Variants in VPS53 observed in about 807,000 individuals in gnomAD.
VPS53 encodes VPS53 subunit of GARP complex.
VPS53 carries 70 observed loss-of-function variants against 107.0 expected under a neutral mutation model. The ratio of observed to expected loss-of-function variants is 0.65; its 90% CI spans 0.54 to 0.80. VPS53 has a LOEUF of 0.80. Among genes scored for constraint, VPS53 ranks in the 30% least tolerant of loss-of-function variants. The pLI is 0.00. For missense variants in VPS53, 917 were observed against 1,049.4 expected (o/e 0.87, Z 1.74); for synonymous variants, 409 against 393.3 (o/e 1.04, Z -0.47).
chr17:600,115 TC>T (rs367611044), intron 12 of VPS53: 66 of 152,288 alleles, frequency 4.3e-4, no homozygotes, highest in African/African-American at 1.5e-3. Flanking sequence ...AGGAAAAAGT[TC>T]CAAGAAAAAG....
chr17:644,303 C>T (rs1195615284), intron 7 of VPS53, among the ~76,000 whole-genome samples: 1 of 152,218 alleles, frequency 6.6e-6, no homozygotes, highest in Non-Finnish European at 1.5e-5. Context: ...GACTTCTACA[C>T]TTTACAGACA....
chr17:579,493 C>T (rs933728059), intron 13 of VPS53, among the ~76,000 whole-genome samples: 3 of 151,210 alleles, frequency 2.0e-5, no homozygotes, highest in African/African-American at 4.9e-5. Context: ...AACCTCAGTG[C>T]GTTTCCAGAG....
intron 7 of VPS53, among the ~76,000 whole-genome samples, chr17:640,763 T>C (rs1470823821): frequency 1.3e-5 from 2 of 152,002 alleles, no homozygotes; most frequent in African/African-American, 2.4e-5. Context: ...CGGTGCTAAC[T>C]GGCTTTACAG....
At chr17:702,164 A>T (rs1973223967) in intron 2 of VPS53, among the ~76,000 whole-genome samples, 1 of 152,092 alleles carries the variant, frequency 6.6e-6, no homozygotes, top group Non-Finnish European at 1.5e-5. Flanking sequence ...ACCAACCTGG[A>T]CAACGTGGTG....
intron 12 of VPS53, among the ~76,000 whole-genome samples, chr17:596,034 T>C (rs1967956475): frequency 6.6e-6 from 1 of 151,582 alleles, no homozygotes; most frequent in African/African-American, 2.4e-5. Context: ...TGGACTCTAC[T>C]ATGTTAGCTG....
intron 2 of VPS53, among the ~76,000 whole-genome samples, chr17:702,010 T>C (rs60443711): frequency 6.6e-6 from 1 of 152,214 alleles, no homozygotes; most frequent in African/African-American, 2.4e-5. Context: ...ATTACAGGCA[T>C]GAGGCAGTGC....
At chr17:581,932 TC>T (rs1384430565) in intron 13 of VPS53, among the ~76,000 whole-genome samples, 5 of 145,840 alleles carry the variant, frequency 3.4e-5, no homozygotes, top group African/African-American at 5.2e-5. Flanking sequence ...CCTGAGGACC[TC>T]AATGTGTTCC....
Position 631,568 on chromosome 17 carries a change from A to C in VPS53, c.669T>G (p.Phe223Leu). 6.2e-7 allele frequency: 1 copy of C among 1,614,068 alleles called. No individual in the cohort carries two copies. The highest frequency in any genetic ancestry group is 8.5e-7 in the Non-Finnish European group (1 of 1,179,992). Residue 223 changes from phenylalanine to leucine, a missense_variant, in exon 8 of 22, where the codon TTT (phenylalanine) becomes TTG (leucine). Coordinates refer to ENST00000437048, the MANE Select transcript of VPS53 (RefSeq NM_001128159.3). ...GCAGTACCTTGGTGCCCTGGGAAGG[A>C]AACGCTTCTTCAAAATCTGCCAGGA... ...QQILADFEEA[F>L]PSQGTKRPGG...
chr17:676,922 A>C (rs1365167604), intron 4 of VPS53, among the ~76,000 whole-genome samples: 1 of 152,126 alleles, frequency 6.6e-6, no homozygotes, highest in Non-Finnish European at 1.5e-5. Context: ...GCTAATCAGA[A>C]ACATGTTGTC....
intron 4 of VPS53, 59 bp downstream of exon 4, chr17:697,359 A>G: frequency 1.4e-6 from 2 of 1,413,188 alleles, no homozygotes; most frequent in Non-Finnish European, 1.0e-6. Flanking sequence ...CGTTTTGGTC[A>G]TCTGGTTGCC....
chr17:513,750 C>T lies in VPS53; in HGVS notation c.*5378G>A, dbSNP rs1230108079. ...TTTCCAGCAGGTTATTCCGAGTGCT[C>T]TTCCTAGGGAAGGAATCCCATTTCC... On this transcript the variant is annotated 3_prime_UTR_variant, in exon 22 of 22. Coordinates refer to ENST00000437048, the MANE Select transcript of VPS53 (RefSeq NM_001128159.3). 7.2e-6 allele frequency: 1 copy of T among 138,522 alleles called. No individual in the cohort carries two copies. Among genetic ancestry groups the T allele is most frequent in the East Asian group, 2.2e-4 (1 of 4,618 alleles). 8.6% of individuals were successfully genotyped at this position (138,522 alleles called of 1,614,324 possible). A position where few individuals can be genotyped will look rare whatever the true frequency, so the allele number is the denominator to read the frequency against.
At chr17:647,219 C>G (rs1371564895) in intron 7 of VPS53, among the ~76,000 whole-genome samples, 1 of 152,174 alleles carries the variant, frequency 6.6e-6, no homozygotes, top group Non-Finnish European at 1.5e-5. Flanking sequence ...CTGCCCTCAG[C>G]CCCTGCTTCA....
At chr17:622,843 G>A (rs1475043237) in intron 11 of VPS53, among the ~76,000 whole-genome samples, 2 of 151,420 alleles carry the variant, frequency 1.3e-5, no homozygotes, top group Non-Finnish European at 2.9e-5. Flanking sequence ...GGGACTAAGG[G>A]GTGCACCCGA....
At chr17:626,009 C>T (rs1403181879) in intron 10 of VPS53, among the ~76,000 whole-genome samples, 1 of 152,066 alleles carries the variant, frequency 6.6e-6, no homozygotes, top group Non-Finnish European at 1.5e-5. Context: ...TCAAGACCAG[C>T]CCGAACAACA....
chr17:568,647 G>A (rs1005277087), intron 13 of VPS53, among the ~76,000 whole-genome samples: 1 of 152,208 alleles, frequency 6.6e-6, no homozygotes, highest in Non-Finnish European at 1.5e-5. Flanking sequence ...CAGTGGGGCT[G>A]GGGAGCCAAG....
At chr17:590,528 G>T (rs1439306589) in intron 12 of VPS53, among the ~76,000 whole-genome samples, 14 of 151,480 alleles carry the variant, frequency 9.2e-5, no homozygotes, top group East Asian at 3.9e-4. Flanking sequence ...CATAGATAGC[G>T]CTTATGATTT....
intron 4 of VPS53, among the ~76,000 whole-genome samples, chr17:662,701 AAGAAAG>A (rs1456601445): frequency 6.7e-6 from 1 of 149,064 alleles, no homozygotes; most frequent in Non-Finnish European, 1.5e-5. Flanking sequence ...AAGAAAAGAA[AAGAAAG>A]AGAAAGAATG....
intron 4 of VPS53, among the ~76,000 whole-genome samples, chr17:666,716 G>C (rs1176752894): frequency 6.6e-6 from 1 of 151,352 alleles, no homozygotes; most frequent in Non-Finnish European, 1.5e-5. Flanking sequence ...TCAAGAGTTT[G>C]TGACCAGCCT....
chr17:617,319 G>T (rs1379753917), intron 11 of VPS53, among the ~76,000 whole-genome samples: 1 of 152,342 alleles, frequency 6.6e-6, no homozygotes, highest in East Asian at 1.9e-4. Flanking sequence ...GCCAGCAAGA[G>T]GAATCAGGGG....
Sources: gnomAD v4.1 joint callset for allele counts (sites outside exome capture counted in the v4.1 genomes callset) on GRCh38, gnomAD v4.1.1 for gene constraint, MANE v1.5 for transcripts, NCBI Gene and HGNC (gene_info 2026-07-23, HGNC 2026-07-21) for gene names.